ARL13B: variants seen among roughly 807,000 people sequenced by gnomAD.
ARL13B encodes the protein ARF like GTPase 13B.
In ARL13B, 36 loss-of-function variants were observed where a neutral mutation model predicts 56.1. The ratio of observed to expected loss-of-function variants is 0.64; its 90% CI spans 0.49 to 0.85. The LOEUF (loss-of-function observed/expected upper bound fraction) is 0.85, where lower values mean the gene tolerates loss of function less well. Among genes scored for constraint, ARL13B ranks in the 40% least tolerant of loss-of-function variants. The pLI is 0.00. For missense variants in ARL13B, 519 were observed against 507.1 expected (o/e 1.02, Z -0.23); for synonymous variants, 178 against 171.1 (o/e 1.04, Z -0.32).
rs375711892 is a variant in ARL13B at position 94,003,424 on chromosome 3, C to T, written c.131-235C>T. ...AATTCAACAGATACTTACTAAGTAC[C>T]TATTATATACTAGGTGTGGGTGTTA... On this transcript the variant is annotated intron_variant, in intron 2 of 9. Coordinates refer to ENST00000394222, the MANE Select transcript of ARL13B (RefSeq NM_001174150.2). Among the ~76,000 whole-genome samples the T allele has an allele frequency of 5.3e-5, 8 of 152,150 alleles. No homozygotes were observed. The South Asian group carries it at 6.2e-4, about 12-fold the overall frequency.
At position 94,055,420 on chromosome 3, in the gene ARL13B, C is replaced by G; in HGVS notation, c.*2157C>G. 2 of 452,410 alleles carry G rather than the reference C, an allele frequency of 4.4e-6. No individual in the cohort carries two copies. Among genetic ancestry groups the G allele is most frequent in the Non-Finnish European group, 8.9e-6 (2 of 225,716 alleles). The allele number at this position is 452,410 out of a possible 1,614,324, so 28.0% of individuals were successfully genotyped here. A position where few individuals can be genotyped will look rare whatever the true frequency, so the allele number is the denominator to read the frequency against. ...ATGCATTTTTTTGATACTTTACACA[C>G]AAAACTTTTTTCTCTCTGCAAGTTT... On this transcript the variant is annotated 3_prime_UTR_variant, in exon 10 of 10. Coordinates refer to ENST00000394222, the MANE Select transcript of ARL13B (RefSeq NM_001174150.2).
At chr3:94,015,294 A>C in intron 3 of ARL13B, 1 of 1,500,500 alleles carries the variant, frequency 6.7e-7, no homozygotes, top group Admixed American at 2.5e-5. Context: ...TAAGAAGCAA[A>C]AATTTTTGTG....
At chr3:94,035,776 T>C (rs1338641784) in intron 4 of ARL13B, among the ~76,000 whole-genome samples, 1 of 152,140 alleles carries the variant, frequency 6.6e-6, no homozygotes, top group Non-Finnish European at 1.5e-5. Flanking sequence ...ATAATGAATT[T>C]TGAAAAATTA....
chr3:94,000,769 A>AC (rs1337413886), intron 2 of ARL13B, among the ~76,000 whole-genome samples: 1 of 151,998 alleles, frequency 6.6e-6, no homozygotes, highest in African/African-American at 2.4e-5. Context: ...AAATTTATTG[A>AC]TTGTATATTT....
chr3:94,000,392 A>C (rs1284274387), intron 2 of ARL13B, among the ~76,000 whole-genome samples: 1 of 150,684 alleles, frequency 6.6e-6, no homozygotes, highest in African/African-American at 2.5e-5. Context: ...GAGCCTAGGT[A>C]AAAAAAAATC....
chr3:94,021,114 G>A (rs1404638063), intron 3 of ARL13B, among the ~76,000 whole-genome samples: 4 of 151,560 alleles, frequency 2.6e-5, no homozygotes, highest in Non-Finnish European at 4.4e-5. Flanking sequence ...AATATTAGAC[G>A]ATACTATAGA....
chr3:94,011,948 A>G (rs1361357391), intron 3 of ARL13B, among the ~76,000 whole-genome samples: 1 of 152,058 alleles, frequency 6.6e-6, no homozygotes, highest in Non-Finnish European at 1.5e-5. Flanking sequence ...GAAGTCAATA[A>G]TTGTCTTTGT....
chr3:93,999,543 G>A (rs1343262088), intron 2 of ARL13B, among the ~76,000 whole-genome samples: 1 of 151,946 alleles, frequency 6.6e-6, no homozygotes, highest in Non-Finnish European at 1.5e-5. Context: ...TGAAAAATTG[G>A]GTATCTATTC....
intron 1 of ARL13B, among the ~76,000 whole-genome samples, chr3:93,995,531 G>A (rs1484842151): frequency 6.6e-6 from 1 of 152,060 alleles, no homozygotes; most frequent in Non-Finnish European, 1.5e-5. Flanking sequence ...CAATAAACTA[G>A]AAAATTGAGT....
chr3:94,038,515 CTTTTTTTTTTTT>C (rs761909057), intron 5 of ARL13B, among the ~76,000 whole-genome samples: 5 of 54,470 alleles, frequency 9.2e-5, no homozygotes, highest in South Asian at 6.6e-4. Context: ...TCTGGCTGCT[CTTTTTTTTTTTT>C]TTTTTTTTTT....
intron 9 of ARL13B, 78 bp from the exon 10 acceptor site, chr3:94,053,109 C>G (rs971696389): frequency 8.5e-7 from 1 of 1,176,730 alleles, no homozygotes; most frequent in African/African-American, 1.5e-5. Flanking sequence ...TGTCTAAAGT[C>G]TAAAAAATAA....
At chr3:94,052,211 CAT>C (rs753165254) in intron 9 of ARL13B, among the ~76,000 whole-genome samples, 57 of 152,150 alleles carry the variant, frequency 3.7e-4, no homozygotes, top group Non-Finnish European at 6.5e-4. Flanking sequence ...TTTCATATGA[CAT>C]ATTTTTTCTG....
chr3:94,045,497 C>T (rs1329694027), intron 7 of ARL13B, among the ~76,000 whole-genome samples: 1 of 150,832 alleles, frequency 6.6e-6, no homozygotes, highest in Non-Finnish European at 1.5e-5. Flanking sequence ...AATGCCAGAG[C>T]CCCCAACTGA....
chr3:94,035,229 T>G, intron 3 of ARL13B, 102 bp from the exon 4 acceptor site: 1 of 807,346 alleles, frequency 1.2e-6, no homozygotes, highest in Non-Finnish European at 2.0e-6. Context: ...AGAGCAAGAC[T>G]CAGTCTCAAA....
intron 3 of ARL13B, among the ~76,000 whole-genome samples, chr3:94,018,698 G>A (rs1055606343): frequency 6.6e-6 from 1 of 152,066 alleles, no homozygotes; most frequent in Non-Finnish European, 1.5e-5. Context: ...CTGTGAACCC[G>A]TAAACTGCCC....
At chr3:94,011,824 A>G (rs913363542) in intron 3 of ARL13B, among the ~76,000 whole-genome samples, 1 of 152,000 alleles carries the variant, frequency 6.6e-6, no homozygotes, top group African/African-American at 2.4e-5. Context: ...ACCTTATTCA[A>G]ACTTCTGGAA....
Position 93,980,357 on chromosome 3 carries a change from G to T in ARL13B, c.-67G>T, listed in dbSNP as rs745850628. 5.0e-6 allele frequency: 8 copies of T among 1,594,682 alleles called. No individual in the cohort carries two copies. Among genetic ancestry groups the T allele is most frequent in the Non-Finnish European group, 6.8e-6 (8 of 1,170,672 alleles). The stretch of plus-strand genomic sequence containing the variant: ...GCGTCTCGGAGTGCCGGAGGCCCCC[G>T]GGGAAGAGCGGGGTGCCGGTGTCCG... On this transcript the variant is annotated 5_prime_UTR_variant, in exon 1 of 10. Transcript: ENST00000394222.
chr3:94,049,625 A>T, intron 8 of ARL13B, 103 bp downstream of exon 8: 2 of 835,460 alleles, frequency 2.4e-6, no homozygotes, highest in Non-Finnish European at 3.8e-6. Flanking sequence ...CTGTATATTC[A>T]TTATCTTGTA....
At chr3:94,037,515 C>T (rs995977556) in intron 5 of ARL13B, among the ~76,000 whole-genome samples, 2 of 152,038 alleles carry the variant, frequency 1.3e-5, no homozygotes, top group African/African-American at 4.8e-5. Flanking sequence ...CCCAAGTGCT[C>T]AATAATATGA....
Sources: allele counts gnomAD v4.1 joint callset (sites outside exome capture counted in the v4.1 genomes callset), GRCh38; gene constraint gnomAD v4.1.1; transcripts MANE v1.5; gene names NCBI Gene and HGNC (gene_info 2026-07-23, HGNC 2026-07-21).